FUT9: variants seen among roughly 807,000 people sequenced by gnomAD.
FUT9 encodes fucosyltransferase 9, also known as 4-galactosyl-N-acetylglucosaminide 3-alpha-L-fucosyltransferase 9.
A neutral mutation model predicts 29.7 loss-of-function variants in FUT9; 15 were observed. The observed-to-expected ratio is 0.51, with a 90% CI of 0.34 to 0.78. The LOEUF (loss-of-function observed/expected upper bound fraction) is 0.78, where lower values mean the gene tolerates loss of function less well. Among genes scored for constraint, FUT9 ranks in the 30% least tolerant of loss-of-function variants. FUT9 has a pLI of 0.01. For missense variants in FUT9, 319 were observed against 425.4 expected, an observed-to-expected ratio of 0.75 and a Z score of 2.20; for synonymous variants, 169 against 153.7, an observed-to-expected ratio of 1.10 and a Z score of -0.74.
chr6:96,121,395 A>G (rs368915588), intron 2 of FUT9, among the ~76,000 whole-genome samples: 3 of 152,180 alleles, frequency 2.0e-5, no homozygotes, highest in African/African-American at 7.2e-5. Flanking sequence ...TTTAGAGACT[A>G]TCATTTCCTT....
rs1243385162 is a variant in FUT9 at position 96,020,981 on chromosome 6, T to C, written c.-98+4769T>C. The C allele has an allele frequency of 2.0e-5, 3 of 152,186 alleles. No individual in the cohort carries two copies. In the East Asian group the frequency reaches 5.8e-4, roughly 29 times the overall value. 9.4% of individuals were successfully genotyped at this position (152,186 alleles called of 1,614,324 possible). A position where few individuals can be genotyped will look rare whatever the true frequency, so the allele number is the denominator to read the frequency against. ...ATGATGGCAGGCACAAGAGTAAGTA[T>C]GATTTAAGCTCTGACCTCAAGCAGC... is the stretch of plus-strand genomic sequence containing the variant. On this transcript the variant is annotated intron_variant, in intron 1 of 2. Coordinates refer to ENST00000302103, the MANE Select transcript of FUT9 (RefSeq NM_006581.4).
intron 2 of FUT9, among the ~76,000 whole-genome samples, chr6:96,149,535 C>T (rs1205847411): frequency 1.3e-5 from 2 of 152,134 alleles, no homozygotes; most frequent in African/African-American, 4.8e-5. Context: ...CTCCCATTGC[C>T]TTAGATCAGG....
chr6:96,187,199 T>G (rs1174629569), intron 2 of FUT9, among the ~76,000 whole-genome samples: 1 of 152,108 alleles, frequency 6.6e-6, no homozygotes, highest in African/African-American at 2.4e-5. Context: ...AAAGCCTCTA[T>G]CATTAGCAGA....
rs118067994 is a variant in FUT9 at position 96,088,010 on chromosome 6, T to C, written c.-97-26029T>C. Among the ~76,000 whole-genome samples, 11 of 152,342 alleles carry C rather than the reference T, an allele frequency of 7.2e-5. No individual in the cohort carries two copies. The East Asian group carries it at 1.7e-3, about 24-fold the overall frequency. On this transcript the variant is annotated intron_variant, in intron 1 of 2. Coordinates refer to ENST00000302103, the MANE Select transcript of FUT9 (RefSeq NM_006581.4). ...TATGCAATTCTGTTTTTCAGTACTT[T>C]AATGATGTTTCCCTGCTGTCGTTTG... is the stretch of plus-strand genomic sequence containing the variant.
At chr6:96,055,328 T>TTAAAA (rs1297931584) in intron 1 of FUT9, among the ~76,000 whole-genome samples, 2 of 152,050 alleles carry the variant, frequency 1.3e-5, no homozygotes, top group African/African-American at 4.8e-5. Context: ...TTAATTTTTA[T>TTAAAA]TTGACCCAAT....
rs73757722 is a variant in FUT9, at chr6:96,133,125, T to A, written c.-9+18998T>A. Among the ~76,000 whole-genome samples, 248 of 151,968 alleles carry A rather than the reference T, an allele frequency of 1.6e-3. 2 individuals are homozygous for A. The highest frequency in any genetic ancestry group is 5.8e-3 in the African/African-American group (239 of 41,502). On this transcript the variant is annotated intron_variant, in intron 2 of 2. Coordinates refer to ENST00000302103, the MANE Select transcript of FUT9 (RefSeq NM_006581.4). The stretch of plus-strand genomic sequence containing the variant: ...CCCTGGAGTCCCCAGGGCACTTTTT[T>A]AAAAATAATAATAACAACAATATTC...
rs1326764854 is a variant in FUT9 at position 96,035,529 on chromosome 6, G to T, written c.-98+19317G>T. On this transcript the variant is annotated intron_variant, in intron 1 of 2. Coordinates refer to ENST00000302103, the MANE Select transcript of FUT9 (RefSeq NM_006581.4). ...ATTTAATTTCTTCCATTTTTAAGAG[G>T]TAAGTTTGGAAATATTGGCCCATAG... is the stretch of plus-strand genomic sequence containing the variant. 2.0e-5 allele frequency among the ~76,000 whole-genome samples: 3 copies of T among 148,924 alleles called. No homozygotes were observed. In the Admixed American group the frequency reaches 2.0e-4, roughly 10 times the overall value.
intron 2 of FUT9, among the ~76,000 whole-genome samples, chr6:96,158,235 A>C (rs551511930): frequency 6.2e-4 from 95 of 152,250 alleles, no homozygotes; most frequent in Admixed American, 1.4e-3. Context: ...TTTTAAAACA[A>C]GGTGATGGTT....
At chr6:96,046,221 G>GCATA (rs1554188604) in intron 1 of FUT9, among the ~76,000 whole-genome samples, 4 of 148,084 alleles carry the variant, frequency 2.7e-5, no homozygotes, top group African/African-American at 1.0e-4. Context: ...ACACAGATAT[G>GCATA]CACACACACA....
intron 1 of FUT9, among the ~76,000 whole-genome samples, chr6:96,070,243 T>C (rs1269008094): frequency 1.3e-5 from 2 of 152,192 alleles, no homozygotes; most frequent in African/African-American, 2.4e-5. Flanking sequence ...TTGATATTTC[T>C]GTGAAGCTAT....
intron 1 of FUT9, among the ~76,000 whole-genome samples, chr6:96,101,635 C>T (rs368137523): frequency 5.3e-5 from 8 of 151,986 alleles, no homozygotes; most frequent in African/African-American, 1.2e-4. Context: ...CTTGAGGAGG[C>T]GGGGAAATCT....
chr6:96,072,933 A>T (rs1433584577), intron 1 of FUT9, among the ~76,000 whole-genome samples: 1 of 152,216 alleles, frequency 6.6e-6, no homozygotes, highest in Non-Finnish European at 1.5e-5. Flanking sequence ...CAGAGCCAGC[A>T]TATGTAGGGC....
At chr6:96,164,253 CTTT>C (rs57049980) in intron 2 of FUT9, among the ~76,000 whole-genome samples, 15 of 105,790 alleles carry the variant, frequency 1.4e-4, no homozygotes, top group South Asian at 6.7e-4. Flanking sequence ...GATCCAGGTT[CTTT>C]TTTTTTTTTT....
intron 2 of FUT9, among the ~76,000 whole-genome samples, chr6:96,193,251 T>C (rs1773551774): frequency 7.4e-6 from 1 of 134,804 alleles, no homozygotes; most frequent in Non-Finnish European, 1.6e-5. Context: ...GAAACTACCA[T>C]CAGAGTGAAC....
At chr6:96,137,249 T>C (rs922886238) in intron 2 of FUT9, among the ~76,000 whole-genome samples, 16 of 152,106 alleles carry the variant, frequency 1.1e-4, no homozygotes, top group Admixed American at 2.6e-4. Flanking sequence ...ATGGCCAATT[T>C]TGAGTAACGC....
chr6:96,123,035 A>G (rs185012098), intron 2 of FUT9, among the ~76,000 whole-genome samples: 34 of 140,552 alleles, frequency 2.4e-4, no homozygotes, highest in African/African-American at 9.1e-4. Context: ...GCTCCAGCCT[A>G]GGAGACAGCC....
chr6:96,036,758 A>G (rs1395432084), intron 1 of FUT9: 1 of 151,942 alleles, frequency 6.6e-6, no homozygotes, highest in Non-Finnish European at 1.5e-5. Flanking sequence ...CAGACAAAAG[A>G]AAAGGAAAGC....
chr6:96,182,586 C>A (rs1303875258), intron 2 of FUT9, among the ~76,000 whole-genome samples: 2 of 150,548 alleles, frequency 1.3e-5, no homozygotes, highest in East Asian at 3.9e-4. Flanking sequence ...CCATCTTGAA[C>A]TCAGGTTTAA....
At chr6:96,170,455 CA>C (rs1199066516) in intron 2 of FUT9, among the ~76,000 whole-genome samples, 1 of 151,656 alleles carries the variant, frequency 6.6e-6, no homozygotes, top group African/African-American at 2.4e-5. Context: ...TTATGTACAA[CA>C]ATATATCAAA....
Sources: gnomAD v4.1 joint callset for allele counts (sites outside exome capture counted in the v4.1 genomes callset) on GRCh38, gnomAD v4.1.1 for gene constraint, MANE v1.5 for transcripts, NCBI Gene and HGNC (gene_info 2026-07-23, HGNC 2026-07-21) for gene names.